Variants in PACS1 observed in about 807,000 individuals in gnomAD.
PACS1 encodes phosphofurin acidic cluster sorting protein 1.
Under a neutral mutation model 115.0 loss-of-function variants are expected in PACS1, and 24 were observed. That is an observed-to-expected ratio of 0.21 (90% CI 0.15 to 0.29). The LOEUF (loss-of-function observed/expected upper bound fraction) is 0.29. Among genes scored for constraint, PACS1 ranks in the 10% least tolerant of loss-of-function variants. The pLI is 1.00. For synonymous variants in PACS1, 453 were observed against 504.5 expected (o/e 0.90, Z 1.37); for missense variants, 838 against 1,251.2 (o/e 0.67, Z 4.98).
intron 3 of PACS1, 149 bp downstream of exon 3, chr11:66,210,600 G>A (rs542453007): frequency 4.5e-6 from 3 of 662,186 alleles, no homozygotes; most frequent in Non-Finnish European, 8.0e-6. Flanking sequence ...TTTATGGCTG[G>A]CCTGGAGGGC....
intron 1 of PACS1, among the ~76,000 whole-genome samples, chr11:66,096,596 C>T (rs568840843): frequency 3.3e-5 from 5 of 151,440 alleles, no homozygotes; most frequent in African/African-American, 4.9e-5. Flanking sequence ...CTCTGCCTCC[C>T]GGGTTCAAGC....
At chr11:66,084,236 C>T (rs1196076446) in intron 1 of PACS1, 1 of 152,282 alleles carries the variant, frequency 6.6e-6, no homozygotes, top group Admixed American at 6.5e-5. Context: ...TTTAGGTAAG[C>T]TGGGTGCATT....
rs185106665 is a variant in PACS1, at chr11:66,189,040, C to A, written c.357-4446C>A. On this transcript the variant is annotated intron_variant, in intron 1 of 23. Transcript: ENST00000320580. The stretch of plus-strand genomic sequence containing the variant: ...TTTTCTTAACTTCCAGCATCCGTAT[C>A]TGTAAAATAGGTATAATACCCACCT... Among the ~76,000 whole-genome samples, 4 of 152,240 alleles carry A rather than the reference C, an allele frequency of 2.6e-5. No individual in the cohort carries two copies. The East Asian group carries it at 7.7e-4, about 29-fold the overall frequency.
At chr11:66,242,567 A>G (rs781217540) in intron 22 of PACS1, among the ~76,000 whole-genome samples, 2 of 152,242 alleles carry the variant, frequency 1.3e-5, no homozygotes, top group African/African-American at 2.4e-5. Flanking sequence ...TGGCTCCTGC[A>G]TAGAGCATGC....
At chr11:66,077,504 T>C (rs937923113) in intron 1 of PACS1, among the ~76,000 whole-genome samples, 3 of 152,206 alleles carry the variant, frequency 2.0e-5, no homozygotes, top group Admixed American at 6.5e-5. Flanking sequence ...GAGGCTTCAG[T>C]GAGCCATGAT....
chr11:66,148,382 A>G (rs1480873592), intron 1 of PACS1, among the ~76,000 whole-genome samples: 1 of 152,152 alleles, frequency 6.6e-6, no homozygotes, highest in Non-Finnish European at 1.5e-5. Context: ...CCAGGCCTCA[A>G]ATGATCCTCT....
At chr11:66,219,487 A>G in intron 7 of PACS1, 1 of 616,068 alleles carries the variant, frequency 1.6e-6, no homozygotes, top group Non-Finnish European at 3.0e-6. Context: ...CACATTTGGG[A>G]GGTGTTGGGG....
chr11:66,182,446 G>A (rs992179613), intron 1 of PACS1, among the ~76,000 whole-genome samples: 1 of 151,966 alleles, frequency 6.6e-6, no homozygotes, highest in African/African-American at 2.4e-5. Flanking sequence ...AAACATTTTC[G>A]GGAAGAAAAT....
At chr11:66,077,090 C>A (rs567985271) in intron 1 of PACS1, among the ~76,000 whole-genome samples, 1 of 152,286 alleles carries the variant, frequency 6.6e-6, no homozygotes, top group South Asian at 2.1e-4. Flanking sequence ...GTTCACAGGG[C>A]AGTCAGCTGG....
intron 1 of PACS1, among the ~76,000 whole-genome samples, chr11:66,162,857 T>C (rs762105021): frequency 2.4e-4 from 36 of 152,344 alleles, no homozygotes; most frequent in Non-Finnish European, 4.3e-4. Context: ...AATGTGGGGT[T>C]GGAGAAGTCA....
At chr11:66,161,284 G>A (rs998367679) in intron 1 of PACS1, among the ~76,000 whole-genome samples, 2 of 151,854 alleles carry the variant, frequency 1.3e-5, no homozygotes, top group African/African-American at 4.8e-5. Flanking sequence ...GCAGATGGCT[G>A]AAAGGCACTA....
rs1469992410 is a variant in PACS1, at chr11:66,244,593, C to G, written c.*1313C>G. ...TCATTTTGAAAGTGTTTTTCTCATT[C>G]TCCATACCTCCCCCAAGCTCTCCTC... On this transcript the variant is annotated 3_prime_UTR_variant, in exon 24 of 24. Transcript: ENST00000320580. The G allele has an allele frequency of 2.6e-5, 4 of 152,368 alleles. No homozygotes were observed. 9.4% of individuals were successfully genotyped at this position (152,368 alleles called of 1,614,324 possible). A position where few individuals can be genotyped will look rare whatever the true frequency, so the allele number is the denominator to read the frequency against.
chr11:66,186,698 A>AG (rs1285184910), intron 1 of PACS1, among the ~76,000 whole-genome samples: 1 of 152,244 alleles, frequency 6.6e-6, no homozygotes, highest in Non-Finnish European at 1.5e-5. Context: ...TGAGTGACAG[A>AG]GTAACGTGAC....
intron 11 of PACS1, among the ~76,000 whole-genome samples, chr11:66,230,074 G>A (rs898494128): frequency 1.3e-5 from 2 of 149,418 alleles, no homozygotes; most frequent in Non-Finnish European, 3.0e-5. Context: ...TTGGGGATGA[G>A]GAAGGAAGGG....
intron 5 of PACS1, 60 bp from the exon 6 acceptor site, chr11:66,216,460 G>C (rs996137405): frequency 2.6e-6 from 4 of 1,516,088 alleles, no homozygotes; most frequent in Non-Finnish European, 2.7e-6. Flanking sequence ...CCAGCCCATC[G>C]AAGTTTCTTA....
At chr11:66,204,185 A>G (rs1190999205) in intron 2 of PACS1, among the ~76,000 whole-genome samples, 1 of 152,204 alleles carries the variant, frequency 6.6e-6, no homozygotes, top group Non-Finnish European at 1.5e-5. Context: ...AGGAGCTCAA[A>G]CAACTCAGGA....
At chr11:66,142,313 A>G (rs1859010346) in intron 1 of PACS1, among the ~76,000 whole-genome samples, 1 of 151,992 alleles carries the variant, frequency 6.6e-6, no homozygotes, top group African/African-American at 2.4e-5. Flanking sequence ...GCATTTTTTA[A>G]TTTTAATTTT....
chr11:66,235,172 G>T lies in PACS1; in HGVS notation c.2105-129G>T. The T allele has an allele frequency of 1.5e-6, 1 of 657,144 alleles. No homozygotes were observed. Among genetic ancestry groups the T allele is most frequent in the South Asian group, 1.9e-5 (1 of 53,996 alleles). 40.7% of individuals were successfully genotyped at this position (657,144 alleles called of 1,614,324 possible). ...ATGATTCCTTCAAACCAGAAGGACC[G>T]TAGAGCCCCATCCTTCACTCAACTC... On this transcript the variant is annotated intron_variant, in intron 17 of 23. Transcript: ENST00000320580. The surrounding 1 kb of genome is among the most constrained non-coding windows in gnomAD (Gnocchi z 5.6).
At chr11:66,202,724 A>AG (rs533637068) in intron 2 of PACS1, among the ~76,000 whole-genome samples, 1,522 of 18,198 alleles carry the variant, frequency 0.084, 73 homozygotes, top group Non-Finnish European at 0.14. Context: ...CCTCATCTCT[A>AG]GGAAAAAAAA....
Sources: gnomAD v4.1 joint callset for allele counts (sites outside exome capture counted in the v4.1 genomes callset) on GRCh38, gnomAD v4.1.1 for gene constraint, Gnocchi (gnomAD v3.1) non-coding constraint, MANE v1.5 for transcripts, NCBI Gene and HGNC (gene_info 2026-07-23, HGNC 2026-07-21) for gene names.